The following SMIM3 variants were observed in gnomAD, a reference collection of about 807,000 sequenced individuals.
SMIM3 encodes the protein NGF-induced differentiation clone 67 protein.
A neutral mutation model predicts 2.1 loss-of-function variants in SMIM3; 4 were observed. The observed-to-expected ratio is 1.89, with a 90% CI of 0.93 to 4.31. The LOEUF is 4.31. Ranked by LOEUF, SMIM3 falls within the 30% of genes most tolerant of loss-of-function variation. SMIM3 has a pLI of 0.01. For missense variants in SMIM3, 79 were observed against 77.7 expected (o/e 1.02, Z -0.06); for synonymous variants, 29 against 30.8 (o/e 0.94, Z 0.19).
intron 1 of SMIM3, among the ~76,000 whole-genome samples, chr5:150,794,107 A>G (rs757891137): frequency 3.3e-5 from 5 of 152,192 alleles, no homozygotes; most frequent in Non-Finnish European, 7.3e-5. Context: ...ATGCAAATCA[A>G]AACCACAATG....
At chr5:150,783,820 TA>T (rs1031511220) in intron 1 of SMIM3, among the ~76,000 whole-genome samples, 1 of 151,896 alleles carries the variant, frequency 6.6e-6, no homozygotes, top group African/African-American at 2.4e-5. Context: ...TTTTTTTACT[TA>T]AAAAAACTTT....
At chr5:150,793,785 C>G (rs185890320) in intron 1 of SMIM3, among the ~76,000 whole-genome samples, 36 of 152,254 alleles carry the variant, frequency 2.4e-4, no homozygotes, top group Non-Finnish European at 1.5e-5. Context: ...GACCAAGAAC[C>G]CATAAGCAAA....
intron 1 of SMIM3, among the ~76,000 whole-genome samples, chr5:150,791,887 G>A (rs1753353419): frequency 6.6e-6 from 1 of 152,118 alleles, no homozygotes; most frequent in Non-Finnish European, 1.5e-5. Context: ...AATGCATTTG[G>A]AACAATGATT....
rs1753406523 is a variant in SMIM3, at chr5:150,796,197, C to T, written c.*574C>T. On this transcript the variant is annotated 3_prime_UTR_variant, in exon 2 of 2. Coordinates refer to ENST00000526627, the MANE Select transcript of SMIM3 (RefSeq NM_032947.5). ...ACCTTCTCCATTCCAGAATCTCTGC[C>T]CCTGTGTAATCTGAAGGAAGGCTGT... 6.5e-6 allele frequency: 1 copy of T among 153,980 alleles called. No homozygotes were observed. The allele number at this position is 153,980 out of a possible 1,614,324, so 9.5% of individuals were successfully genotyped here.
At chr5:150,786,136 C>T (rs1235209915) in intron 1 of SMIM3, among the ~76,000 whole-genome samples, 6 of 152,098 alleles carry the variant, frequency 3.9e-5, no homozygotes, top group Non-Finnish European at 5.9e-5. Flanking sequence ...TTTGTTTATC[C>T]TTACTTCATT....
chr5:150,792,504 C>T (rs1385209053), intron 1 of SMIM3, among the ~76,000 whole-genome samples: 1 of 152,130 alleles, frequency 6.6e-6, no homozygotes, highest in African/African-American at 2.4e-5. Flanking sequence ...TTACTACATG[C>T]CTTTTGTTAA....
chr5:150,783,896 G>A (rs1753262631), intron 1 of SMIM3, among the ~76,000 whole-genome samples: 1 of 150,878 alleles, frequency 6.6e-6, no homozygotes, highest in South Asian at 2.1e-4. Flanking sequence ...CTAACTAATG[G>A]CAGAGGCTTT....
In SMIM3 at chr5:150,790,295, A is replaced by T. The variant is rs529478126; in HGVS notation, c.-11-5135A>T. Among the ~76,000 whole-genome samples the T allele has an allele frequency of 5.3e-4, 81 of 152,206 alleles. No homozygotes were observed. In the South Asian group the frequency reaches 8.9e-3, roughly 17 times the overall value. On this transcript the variant is annotated intron_variant, in intron 1 of 1. Coordinates refer to ENST00000526627, the MANE Select transcript of SMIM3 (RefSeq NM_032947.5). Reference sequence around the variant, plus strand: ...GGTGATTACGTCTTCCTGGCATTTGAAGTCAGGAAGACTGTTTGATGTTAA... The same window carrying T: ...GGTGATTACGTCTTCCTGGCATTTGTAGTCAGGAAGACTGTTTGATGTTAA...
At chr5:150,779,829 A>ACACCCCC (rs1753212790) in intron 1 of SMIM3, among the ~76,000 whole-genome samples, 1 of 111,024 alleles carries the variant, frequency 9.0e-6, no homozygotes, top group African/African-American at 3.4e-5. Flanking sequence ...GAAAGGTGTA[A>ACACCCCC]CCCCCCCCGC....
At chr5:150,792,630 G>A (rs1436725369) in intron 1 of SMIM3, among the ~76,000 whole-genome samples, 3 of 152,162 alleles carry the variant, frequency 2.0e-5, no homozygotes, top group Admixed American at 2.0e-4. Context: ...GACCTCCTGG[G>A]CTCAAGCAAT....
intron 1 of SMIM3, among the ~76,000 whole-genome samples, chr5:150,783,915 T>C (rs1185857313): frequency 9.9e-6 from 1 of 100,958 alleles, no homozygotes; most frequent in African/African-American, 5.9e-5. Flanking sequence ...TTGAACTCCC[T>C]TTTTTTTTTT....
Position 150,784,173 on chromosome 5 carries a change from G to T in SMIM3, c.-12+5201G>T, listed in dbSNP as rs140346584. ...ACCTTGTGATTTAGGAACGATGCCG[G>T]GTTCACTAGCTCAGCTTAACTTCGT... On this transcript the variant is annotated intron_variant, in intron 1 of 1. Transcript: ENST00000526627. Among the ~76,000 whole-genome samples the T allele has an allele frequency of 1.7e-4, 26 of 152,028 alleles. 1 individual carries two copies. The highest frequency in any genetic ancestry group is 6.3e-4 in the African/African-American group (26 of 41,452).
In SMIM3 at chr5:150,795,552, T is replaced by G. The variant is rs535808685; in HGVS notation, c.112T>G (p.Leu38Val). The G allele has an allele frequency of 2.6e-5, 42 of 1,608,282 alleles. No individual in the cohort carries two copies. In the East Asian group the frequency reaches 9.4e-4, roughly 36 times the overall value. The change falls in exon 2 of 2, where the codon TTG becomes GTG. Residue 38 changes from leucine (L) to valine (V), a missense_variant. Physicochemically the swap from Leu to Val is conservative, Grantham distance 32. Transcript: ENST00000526627. ...CACCATTGTCATCATGACCTCGTTG[T>G]TGCTGTGCCCAGCCACTGCAGTAAT... ...LATIVIMTSLLLCPATAVIIY... is the reference protein window; with the variant it reads ...LATIVIMTSLVLCPATAVIIY...
chr5:150,778,943 G>T lies in SMIM3; in HGVS notation c.-41G>T. ...AAGCACCGAGCCATCCCTGACCCAG[G>T]AACTTTCCGCAGACTCGCCGCCATC... On this transcript the variant is annotated 5_prime_UTR_variant, in exon 1 of 2. Coordinates refer to ENST00000526627, the MANE Select transcript of SMIM3 (RefSeq NM_032947.5). The T allele has an allele frequency of 1.9e-6, 1 of 516,060 alleles. No individual in the cohort carries two copies. Among genetic ancestry groups the T allele is most frequent in the South Asian group, 1.5e-5 (1 of 68,268 alleles). The allele number at this position is 516,060 out of a possible 1,614,324, so 32.0% of individuals were successfully genotyped here.
chr5:150,785,580 C>CTTTTTTTTTTTTTTTTTTTTTTTTTTT (rs35273478), intron 1 of SMIM3, among the ~76,000 whole-genome samples: 4 of 113,682 alleles, frequency 3.5e-5, no homozygotes, highest in Non-Finnish European at 3.7e-5. Context: ...TATTTCTTTT[C>CTTTTTTTTTTTTTTTTTTTTTTTTTTT]TTTTTTTTTT....
intron 1 of SMIM3, among the ~76,000 whole-genome samples, chr5:150,784,835 TTTG>T (rs1240377039): frequency 2.0e-5 from 3 of 152,188 alleles, no homozygotes; most frequent in African/African-American, 4.8e-5. Flanking sequence ...ATTCTAAGTA[TTTG>T]TTGTTGTTTT....
At chr5:150,791,251 C>T (rs1753346314) in intron 1 of SMIM3, among the ~76,000 whole-genome samples, 1 of 152,116 alleles carries the variant, frequency 6.6e-6, no homozygotes, top group Non-Finnish European at 1.5e-5. Flanking sequence ...GTGTTCTGCA[C>T]TTTATTTTTA....
chr5:150,795,926 G>T lies in SMIM3; in HGVS notation c.*303G>T. On this transcript the variant is annotated 3_prime_UTR_variant, in exon 2 of 2. Coordinates refer to ENST00000526627, the MANE Select transcript of SMIM3 (RefSeq NM_032947.5). ...GTAAAGCTACCACAGATATAAGGGT[G>T]TTATGCTGAATCCTGAGAAGCTTTC... 1 of 359,454 alleles carries T rather than the reference G, an allele frequency of 2.8e-6. No homozygotes were observed. The highest frequency in any genetic ancestry group is 5.2e-6 in the Non-Finnish European group (1 of 191,654). The allele number at this position is 359,454 out of a possible 1,614,324, so 22.3% of individuals were successfully genotyped here.
chr5:150,783,752 C>T (rs1264337527), intron 1 of SMIM3, among the ~76,000 whole-genome samples: 2 of 152,104 alleles, frequency 1.3e-5, no homozygotes, highest in African/African-American at 4.8e-5. Context: ...TTAGTTGCAG[C>T]TCGGATGTGG....
Sources: gnomAD v4.1 joint callset for allele counts (sites outside exome capture counted in the v4.1 genomes callset) on GRCh38, gnomAD v4.1.1 for gene constraint, MANE v1.5 for transcripts, NCBI Gene and HGNC (gene_info 2026-07-23, HGNC 2026-07-21) for gene names.